Variants in GRB14 observed in about 807,000 individuals in gnomAD.
The protein encoded by GRB14 is growth factor receptor bound protein 14, also known as growth factor receptor-bound protein 14.
GRB14 carries 38 observed loss-of-function variants against 69.1 expected under a neutral mutation model. The observed-to-expected ratio is 0.55, with a 90% CI of 0.42 to 0.72. The LOEUF (loss-of-function observed/expected upper bound fraction) is 0.72, where lower values mean the gene tolerates loss of function less well. GRB14 is among the 30% of genes least tolerant of loss of function. The pLI, the probability that GRB14 is intolerant of heterozygous loss-of-function variation, is 0.00. For missense variants in GRB14, 666 were observed against 666.1 expected (o/e 1.00, Z 0.00); for synonymous variants, 247 against 241.3 (o/e 1.02, Z -0.22).
At chr2:164,567,487 T>C (rs1689006725) in intron 2 of GRB14, among the ~76,000 whole-genome samples, 1 of 152,270 alleles carries the variant, frequency 6.6e-6, no homozygotes, top group Middle Eastern at 3.4e-3. Flanking sequence ...CTACAGTTTC[T>C]AGTGTCACCA....
intron 1 of GRB14, among the ~76,000 whole-genome samples, chr2:164,620,741 T>C (rs114984645): frequency 0.011 from 1,744 of 152,276 alleles, 26 homozygotes; most frequent in African/African-American, 0.04. Flanking sequence ...TGTAAGACTC[T>C]ATGTGGGAGG....
In GRB14 at chr2:164,608,644, A is replaced by T. The variant is rs185038711; in HGVS notation, c.324+11043T>A. Among the ~76,000 whole-genome samples, 49 of 152,088 alleles carry T rather than the reference A, an allele frequency of 3.2e-4. No homozygotes were observed. In the East Asian group the frequency reaches 8.9e-3, roughly 28 times the overall value. ...AGGACTAAGAGTTCTGGGGAGTATG[A>T]TGAAGTGCTAGGAAGTACATAGAAT... On this transcript the variant is annotated intron_variant, in intron 2 of 13. Coordinates refer to ENST00000263915, the MANE Select transcript of GRB14 (RefSeq NM_004490.3).
At chr2:164,580,889 A>G (rs1689386455) in intron 2 of GRB14, among the ~76,000 whole-genome samples, 1 of 152,178 alleles carries the variant, frequency 6.6e-6, no homozygotes, top group African/African-American at 2.4e-5. Flanking sequence ...AAAGGTAATA[A>G]TCACCCTGTG....
chr2:164,557,592 T>C (rs181264120), intron 2 of GRB14, among the ~76,000 whole-genome samples: 12 of 152,194 alleles, frequency 7.9e-5, no homozygotes, highest in Non-Finnish European at 1.2e-4. Context: ...CAGATTGAGG[T>C]TGACTTCCTT....
chr2:164,562,299 T>G (rs1688849683), intron 2 of GRB14, among the ~76,000 whole-genome samples: 2 of 152,194 alleles, frequency 1.3e-5, no homozygotes. Flanking sequence ...GGAGGAGTAA[T>G]TAACCACCTA....
Position 164,554,984 on chromosome 2 carries a change from TG to T in GRB14, c.325-7169del, listed in dbSNP as rs1474945192. 1.3e-4 allele frequency among the ~76,000 whole-genome samples: 19 copies of T among 151,886 alleles called. No homozygotes were observed. In the East Asian group the frequency reaches 3.7e-3, roughly 29 times the overall value. On this transcript the variant is annotated intron_variant, in intron 2 of 13. Coordinates refer to ENST00000263915, the MANE Select transcript of GRB14 (RefSeq NM_004490.3). Reference sequence around the variant, plus strand: ...ACTAAAAGCGACAAAATATTTAAAATGAAAGTCAAAGGCCATTTCTAAAAAT... The same window carrying T: ...ACTAAAAGCGACAAAATATTTAAAATAAAGTCAAAGGCCATTTCTAAAAAT...
chr2:164,550,160 T>A (rs979419523), intron 2 of GRB14, among the ~76,000 whole-genome samples: 1 of 152,160 alleles, frequency 6.6e-6, no homozygotes, highest in Non-Finnish European at 1.5e-5. Context: ...TTTTAGTCAA[T>A]GGAATGTAAG....
rs138597374 is a variant in GRB14, at chr2:164,602,638, G to A, written c.324+17049C>T. 4.1e-3 allele frequency among the ~76,000 whole-genome samples: 630 copies of A among 152,292 alleles called. 2 individuals are homozygous for A. The highest frequency in any genetic ancestry group is 0.015 in the African/African-American group (605 of 41,562). On this transcript the variant is annotated intron_variant, in intron 2 of 13. Coordinates refer to ENST00000263915, the MANE Select transcript of GRB14 (RefSeq NM_004490.3). ...ATTTTAAAAATGAATCCTACTCTAGGTGAGAGTGTTATCTGAAACTTCAGT... is the reference window on the plus strand; with the variant it reads ...ATTTTAAAAATGAATCCTACTCTAGATGAGAGTGTTATCTGAAACTTCAGT...
At chr2:164,496,484 T>C (rs1236348454) in intron 12 of GRB14, among the ~76,000 whole-genome samples, 1 of 152,210 alleles carries the variant, frequency 6.6e-6, no homozygotes, top group Non-Finnish European at 1.5e-5. Context: ...TTCACGGATC[T>C]ATATTACTTT....
chr2:164,608,757 A>C (rs1373467417), intron 2 of GRB14, among the ~76,000 whole-genome samples: 1 of 152,194 alleles, frequency 6.6e-6, no homozygotes, highest in Non-Finnish European at 1.5e-5. Context: ...TAAAATTAGA[A>C]ATAGTTCTAT....
At chr2:164,549,303 G>A (rs1348600088) in intron 2 of GRB14, among the ~76,000 whole-genome samples, 1 of 152,126 alleles carries the variant, frequency 6.6e-6, no homozygotes, top group Non-Finnish European at 1.5e-5. Context: ...CCAATCCACA[G>A]GTAGCCTTTT....
chr2:164,568,530 CA>C, intron 2 of GRB14: 1 of 1,025,958 alleles, frequency 9.7e-7, no homozygotes, highest in Non-Finnish European at 1.2e-6. Flanking sequence ...CCAATCTACC[CA>C]AAGCCAATTA....
chr2:164,536,971 C>A (rs1333759287), intron 3 of GRB14, among the ~76,000 whole-genome samples: 1 of 152,082 alleles, frequency 6.6e-6, no homozygotes, highest in Non-Finnish European at 1.5e-5. Flanking sequence ...TTTGCAATTG[C>A]CCAAGGGGTG....
At chr2:164,500,877 G>T (rs755800652) in intron 9 of GRB14, among the ~76,000 whole-genome samples, 2 of 152,032 alleles carry the variant, frequency 1.3e-5, no homozygotes, top group African/African-American at 2.4e-5. Flanking sequence ...ATACATGTAT[G>T]CTGACAGTGA....
chr2:164,616,684 C>T (rs779282277), intron 2 of GRB14, among the ~76,000 whole-genome samples: 7 of 152,088 alleles, frequency 4.6e-5, no homozygotes, highest in Non-Finnish European at 1.0e-4. Flanking sequence ...TGAAATTTAA[C>T]ATTTTTAGTC....
intron 2 of GRB14, among the ~76,000 whole-genome samples, chr2:164,616,868 A>G (rs1181669512): frequency 6.6e-6 from 1 of 152,248 alleles, no homozygotes; most frequent in Non-Finnish European, 1.5e-5. Flanking sequence ...TCAACCATAA[A>G]TAATACTCAG....
At chr2:164,506,569 T>C (rs573576160) in intron 8 of GRB14, among the ~76,000 whole-genome samples, 3 of 152,286 alleles carry the variant, frequency 2.0e-5, no homozygotes, top group South Asian at 4.1e-4. Flanking sequence ...AAAAATTAAA[T>C]GTACAATTAC....
chr2:164,496,931 G>A, intron 12 of GRB14, 77 bp downstream of exon 12: 1 of 1,122,020 alleles, frequency 8.9e-7, no homozygotes, highest in Non-Finnish European at 1.3e-6. Context: ...AACTCTTTGT[G>A]GCTATGGAAT....
intron 6 of GRB14, among the ~76,000 whole-genome samples, chr2:164,519,346 G>T (rs1574264576): frequency 6.6e-6 from 1 of 152,144 alleles, no homozygotes; most frequent in East Asian, 1.9e-4. Context: ...AATTGGCATA[G>T]AAGGACATAC....
Sources: allele counts gnomAD v4.1 joint callset (sites outside exome capture counted in the v4.1 genomes callset), GRCh38; gene constraint gnomAD v4.1.1; transcripts MANE v1.5; gene names NCBI Gene and HGNC (gene_info 2026-07-23, HGNC 2026-07-21).